Variants in RORB observed in about 807,000 individuals in gnomAD.
RORB encodes the protein nuclear receptor ROR-beta.
Under a neutral mutation model 59.1 loss-of-function variants are expected in RORB, and 6 were observed. That is an observed-to-expected ratio of 0.10 (90% CI 0.06 to 0.20). The LOEUF is 0.20. RORB is among the 10% of genes least tolerant of loss of function. The pLI is 1.00. For synonymous variants in RORB, 215 were observed against 204.5 expected, an observed-to-expected ratio of 1.05 and a Z score of -0.44; for missense variants, 320 against 560.5, an observed-to-expected ratio of 0.57 and a Z score of 4.33.
At chr9:74,516,223 A>G (rs1587336387) in intron 1 of RORB, among the ~76,000 whole-genome samples, 2 of 152,230 alleles carry the variant, frequency 1.3e-5, no homozygotes, top group African/African-American at 4.8e-5. Flanking sequence ...AGATAACATC[A>G]TAACATGCTT....
chr9:74,508,160 T>C (rs1825893287), intron 1 of RORB, among the ~76,000 whole-genome samples: 1 of 151,958 alleles, frequency 6.6e-6, no homozygotes. Flanking sequence ...ATACTTTCAT[T>C]CTTGTGATTT....
At chr9:74,614,880 C>T (rs1346823178) in intron 1 of RORB, among the ~76,000 whole-genome samples, 2 of 152,154 alleles carry the variant, frequency 1.3e-5, no homozygotes, top group Non-Finnish European at 2.9e-5. Context: ...GTTTCTTCAT[C>T]ATTCTTACAA....
intron 1 of RORB, among the ~76,000 whole-genome samples, chr9:74,560,939 T>C (rs1008462264): frequency 1.3e-5 from 2 of 152,178 alleles, no homozygotes; most frequent in Non-Finnish European, 2.9e-5. Flanking sequence ...GGATTAAGCC[T>C]TGAAATCCAG....
chr9:74,555,366 A>G (rs1366310309), intron 1 of RORB, among the ~76,000 whole-genome samples: 1 of 152,218 alleles, frequency 6.6e-6, no homozygotes, highest in African/African-American at 2.4e-5. Flanking sequence ...ATCAGGAGAC[A>G]TTTAAAGTGG....
intron 1 of RORB, among the ~76,000 whole-genome samples, chr9:74,583,278 A>G (rs1822751875): frequency 6.6e-6 from 1 of 152,170 alleles, no homozygotes; most frequent in South Asian, 2.1e-4. Flanking sequence ...GTACCCAGGC[A>G]GACAATTCCC....
intron 1 of RORB, among the ~76,000 whole-genome samples, chr9:74,603,689 T>C (rs574426473): frequency 6.6e-6 from 1 of 152,224 alleles, no homozygotes; most frequent in Non-Finnish European, 1.5e-5. Context: ...CTAGGAGTTA[T>C]TAAAATGTTG....
At chr9:74,550,385 A>C (rs1204961483) in intron 1 of RORB, among the ~76,000 whole-genome samples, 1 of 152,226 alleles carries the variant, frequency 6.6e-6, no homozygotes, top group Admixed American at 6.5e-5. Context: ...AAATCAGGAT[A>C]ACCTGAACTC....
chr9:74,570,522 GAA>G (rs1308653483), intron 1 of RORB, among the ~76,000 whole-genome samples: 15 of 152,122 alleles, frequency 9.9e-5, no homozygotes, highest in Non-Finnish European at 2.9e-5. Context: ...TTACCTTCAT[GAA>G]AAGAGGTCAA....
chr9:74,504,666 G>A (rs1215435807), intron 1 of RORB, among the ~76,000 whole-genome samples: 6 of 151,806 alleles, frequency 4.0e-5, no homozygotes, highest in Non-Finnish European at 8.8e-5. Context: ...GAGGAATCAC[G>A]GACATCAGTA....
At chr9:74,552,575 C>G (rs1057216471) in intron 1 of RORB, among the ~76,000 whole-genome samples, 5 of 151,932 alleles carry the variant, frequency 3.3e-5, no homozygotes, top group African/African-American at 9.7e-5. Context: ...GTTTAGCTAT[C>G]AATAGTTCAA....
At chr9:74,543,427 G>T (rs1295748237) in intron 1 of RORB, among the ~76,000 whole-genome samples, 4 of 152,108 alleles carry the variant, frequency 2.6e-5, no homozygotes, top group African/African-American at 9.7e-5. Flanking sequence ...TAATTTCAAA[G>T]AATCCTCTTT....
At chr9:74,581,593 A>G (rs1822723812) in intron 1 of RORB, among the ~76,000 whole-genome samples, 1 of 152,184 alleles carries the variant, frequency 6.6e-6, no homozygotes, top group Non-Finnish European at 1.5e-5. Flanking sequence ...AAACCAAAAT[A>G]CAAAGGAGCA....
intron 1 of RORB, among the ~76,000 whole-genome samples, chr9:74,622,781 T>C (rs1823445674): frequency 6.6e-6 from 1 of 151,998 alleles, no homozygotes; most frequent in South Asian, 2.1e-4. Context: ...CGCCTCAGCC[T>C]CCCAACATGC....
intron 1 of RORB, among the ~76,000 whole-genome samples, chr9:74,624,015 C>A (rs1823467218): frequency 6.6e-6 from 1 of 152,102 alleles, no homozygotes. Context: ...TTGTTTCAGT[C>A]CTCTGGGGAG....
Position 74,629,092 on chromosome 9 carries a change from G to C in RORB, c.8-1190G>C, listed in dbSNP as rs571510064. ...GTCACCTTTGACTCTTCGTTTCCAT[G>C]TCGGTTCCCTTTTTTAATCATATAA... On this transcript the variant is annotated intron_variant, in intron 1 of 9. Transcript: ENST00000376896. Among the ~76,000 whole-genome samples, 4 of 152,146 alleles carry C rather than the reference G, an allele frequency of 2.6e-5. No individual in the cohort carries two copies. In the East Asian group the frequency reaches 5.8e-4, roughly 22 times the overall value.
rs918815214 is a variant in RORB, at chr9:74,603,241, T to C, written c.8-27041T>C. ...GTGATGAAGAAAACACAGGCACTCA[T>C]CATGTCTGGGCTTTTGCAGCTCTCT... On this transcript the variant is annotated intron_variant, in intron 1 of 9. Transcript: ENST00000376896. Among the ~76,000 whole-genome samples, 3 of 152,270 alleles carry C rather than the reference T, an allele frequency of 2.0e-5. No individual in the cohort carries two copies. In the East Asian group the frequency reaches 5.8e-4, roughly 29 times the overall value.
At chr9:74,684,364 T>G (rs1391853995) in intron 9 of RORB, among the ~76,000 whole-genome samples, 1 of 152,222 alleles carries the variant, frequency 6.6e-6, no homozygotes, top group Admixed American at 6.5e-5. Context: ...TTTAACTGTA[T>G]TTTTCATCAA....
At chr9:74,638,835 T>A (rs1414411534) in intron 3 of RORB, among the ~76,000 whole-genome samples, 5 of 152,128 alleles carry the variant, frequency 3.3e-5, no homozygotes, top group Non-Finnish European at 7.4e-5. Flanking sequence ...AAATGGAAAA[T>A]TAATTATAGA....
chr9:74,572,775 T>G (rs1284735252), intron 1 of RORB, among the ~76,000 whole-genome samples: 1 of 152,200 alleles, frequency 6.6e-6, no homozygotes, highest in Non-Finnish European at 1.5e-5. Context: ...TTACTTTATA[T>G]GTTTCCTCAT....
Sources: allele counts gnomAD v4.1 joint callset (sites outside exome capture counted in the v4.1 genomes callset), GRCh38; gene constraint gnomAD v4.1.1; transcripts MANE v1.5; gene names NCBI Gene and HGNC (gene_info 2026-07-23, HGNC 2026-07-21).